Variants in PPP1R12A observed in about 807,000 individuals in gnomAD.
PPP1R12A encodes the protein myosin binding subunit.
PPP1R12A carries 19 observed loss-of-function variants against 139.6 expected under a neutral mutation model. That is an observed-to-expected ratio of 0.14 (90% CI 0.09 to 0.20). The LOEUF is 0.20. Among genes scored for constraint, PPP1R12A ranks in the 10% least tolerant of loss-of-function variants. The pLI, the probability that PPP1R12A is intolerant of heterozygous loss-of-function variation, is 1.00. For missense variants in PPP1R12A, 925 were observed against 1,211.5 expected, an observed-to-expected ratio of 0.76 and a Z score of 3.51; for synonymous variants, 427 against 420.6, an observed-to-expected ratio of 1.02 and a Z score of -0.19.
chr12:79,879,120 C>T (rs371106262), intron 1 of PPP1R12A, among the ~76,000 whole-genome samples: 1 of 152,240 alleles, frequency 6.6e-6, no homozygotes, highest in East Asian at 1.9e-4. Flanking sequence ...CAGCTCATGC[C>T]TATAATCCCA....
intron 1 of PPP1R12A, among the ~76,000 whole-genome samples, chr12:79,900,986 A>G (rs1230245353): frequency 1.3e-5 from 2 of 152,176 alleles, no homozygotes; most frequent in African/African-American, 4.8e-5. Flanking sequence ...TCTAGCAATC[A>G]ATGTCCCAGG....
intron 12 of PPP1R12A, 132 bp from the exon 13 acceptor site, chr12:79,806,465 C>T (rs1250590567): frequency 4.0e-6 from 3 of 741,574 alleles, no homozygotes; most frequent in African/African-American, 1.8e-5. Context: ...CCACCAGCTC[C>T]AGCACCAAGA....
At chr12:79,791,412 C>T (rs978371707) in intron 19 of PPP1R12A, among the ~76,000 whole-genome samples, 3 of 152,170 alleles carry the variant, frequency 2.0e-5, no homozygotes, top group African/African-American at 4.8e-5. Context: ...ACTACAGCCT[C>T]GACCTCCTGG....
chr12:79,926,568 T>C (rs1420530681), intron 1 of PPP1R12A, among the ~76,000 whole-genome samples: 1 of 152,232 alleles, frequency 6.6e-6, no homozygotes, highest in Non-Finnish European at 1.5e-5. Context: ...TGATATAAGC[T>C]TTTTTATTAG....
chr12:79,883,532 C>T (rs1592766168), intron 1 of PPP1R12A, among the ~76,000 whole-genome samples: 1 of 151,998 alleles, frequency 6.6e-6, no homozygotes, highest in African/African-American at 2.4e-5. Flanking sequence ...TGAAGATAAA[C>T]ACCACAGATT....
At chr12:79,888,987 C>T (rs1460372354) in intron 1 of PPP1R12A, among the ~76,000 whole-genome samples, 1 of 152,122 alleles carries the variant, frequency 6.6e-6, no homozygotes, top group African/African-American at 2.4e-5. Flanking sequence ...ATCACATGTG[C>T]AAAATGACAT....
chr12:79,925,074 C>A (rs1367731890), intron 1 of PPP1R12A, among the ~76,000 whole-genome samples: 1 of 152,094 alleles, frequency 6.6e-6, no homozygotes, highest in East Asian at 1.9e-4. Flanking sequence ...AAAAAACTCT[C>A]AACACTGAGG....
At chr12:79,859,498 A>T (rs1233278539) in intron 2 of PPP1R12A, among the ~76,000 whole-genome samples, 1 of 152,200 alleles carries the variant, frequency 6.6e-6, no homozygotes, top group Non-Finnish European at 1.5e-5. Flanking sequence ...GCTATAATGC[A>T]GAAGAAAAGC....
At chr12:79,869,386 A>C (rs957249011) in intron 2 of PPP1R12A, among the ~76,000 whole-genome samples, 12 of 152,228 alleles carry the variant, frequency 7.9e-5, no homozygotes, top group African/African-American at 2.7e-4. Flanking sequence ...TCTAGGCTTA[A>C]CTGCACATAT....
intron 1 of PPP1R12A, among the ~76,000 whole-genome samples, chr12:79,888,573 T>C (rs1200433551): frequency 3.5e-5 from 5 of 140,980 alleles, no homozygotes; most frequent in African/African-American, 1.2e-4. Context: ...AAATGGAAAA[T>C]AGAATTATAA....
rs1282068314 is a variant in PPP1R12A, at chr12:79,786,492, G to A, written c.2803-14C>T. Reference sequence around the variant, plus strand: ...TTGTTCATAAAGCTATAAAAATTAGGGTAAAAGAACAAATTACTTTTCTGC... The same window carrying A: ...TTGTTCATAAAGCTATAAAAATTAGAGTAAAAGAACAAATTACTTTTCTGC... On this transcript the variant is annotated splice_polypyrimidine_tract_variant and intron_variant, in intron 21 of 24. Coordinates refer to ENST00000450142, the MANE Select transcript of PPP1R12A (RefSeq NM_002480.3). 3.4e-6 allele frequency: 5 copies of A among 1,479,306 alleles called. No homozygotes were observed. Among genetic ancestry groups the A allele is most frequent in the Admixed American group, 2.4e-5 (1 of 41,858 alleles). 91.6% of individuals were successfully genotyped at this position (1,479,306 alleles called of 1,614,324 possible).
At chr12:79,935,433 G>A (rs1464814485), upstream of PPP1R12A, 1 of 990,510 alleles carries the variant, frequency 1.0e-6, no homozygotes, top group South Asian at 4.4e-5. Flanking sequence ...CAGTGGAACC[G>A]CAAGGCTCTA....
At chr12:79,878,748 C>G (rs1271035001) in intron 1 of PPP1R12A, among the ~76,000 whole-genome samples, 1 of 152,118 alleles carries the variant, frequency 6.6e-6, no homozygotes, top group Non-Finnish European at 1.5e-5. Context: ...TGTGAGAACT[C>G]ACTCACTATC....
chr12:79,810,533 C>T (rs1419149446), intron 9 of PPP1R12A, among the ~76,000 whole-genome samples: 1 of 151,862 alleles, frequency 6.6e-6, no homozygotes, highest in East Asian at 1.9e-4. Context: ...TAAAATAAGA[C>T]AGGTAAAGAG....
intron 9 of PPP1R12A, among the ~76,000 whole-genome samples, chr12:79,811,783 T>TG (rs1429856111): frequency 1.3e-5 from 2 of 152,294 alleles, no homozygotes; most frequent in African/African-American, 2.4e-5. Flanking sequence ...AAACAGGTAA[T>TG]GGGCTAGGTT....
At chr12:79,931,132 G>A (rs769474502) in intron 1 of PPP1R12A, among the ~76,000 whole-genome samples, 2 of 152,110 alleles carry the variant, frequency 1.3e-5, no homozygotes, top group African/African-American at 4.8e-5. Context: ...AAAGTCTAAA[G>A]ATAAGTATCT....
At position 79,810,014 on chromosome 12, in the gene PPP1R12A, T is replaced by C. The variant is rs768903440; in HGVS notation, c.1240-4A>G. ...TTTTTGTAGCTGTGGTTGGAAACTG[T>C]GTTTATTTTATTTTTTAGGAAAAGA... On this transcript the variant is annotated splice_polypyrimidine_tract_variant and splice_region_variant and intron_variant, in intron 9 of 24. Transcript: ENST00000450142. 4 of 1,596,720 alleles carry C rather than the reference T, an allele frequency of 2.5e-6. No homozygotes were observed. The highest frequency in any genetic ancestry group is 4.5e-5 in the East Asian group (2 of 44,712).
intron 1 of PPP1R12A, among the ~76,000 whole-genome samples, chr12:79,896,557 T>A (rs1271693437): frequency 6.6e-6 from 1 of 152,138 alleles, no homozygotes; most frequent in African/African-American, 2.4e-5. Flanking sequence ...GGTCTCAAAC[T>A]CCTGGGCTTA....
At chr12:79,932,618 CTA>C (rs1486071374) in intron 1 of PPP1R12A, among the ~76,000 whole-genome samples, 1 of 151,904 alleles carries the variant, frequency 6.6e-6, no homozygotes, top group African/African-American at 2.4e-5. Context: ...TGTTTGTCAA[CTA>C]AAACAAAATA....
Sources: allele counts gnomAD v4.1 joint callset (sites outside exome capture counted in the v4.1 genomes callset), GRCh38; gene constraint gnomAD v4.1.1; transcripts MANE v1.5; gene names NCBI Gene and HGNC (gene_info 2026-07-23, HGNC 2026-07-21).